Variants in FBN1 observed in about 807,000 individuals in gnomAD.
FBN1 encodes the protein fibrillin 1.
Under a neutral mutation model 365.1 loss-of-function variants are expected in FBN1, and 29 were observed. The observed-to-expected ratio is 0.08, with a 90% CI of 0.06 to 0.11. The LOEUF is 0.11. Ranked by LOEUF, FBN1 falls within the 10% of genes least tolerant of loss-of-function variation. FBN1 has a pLI of 1.00. For synonymous variants in FBN1, 1,210 were observed against 1,270.5 expected, an observed-to-expected ratio of 0.95 and a Z score of 1.01; for missense variants, 2,476 against 3,703.2, an observed-to-expected ratio of 0.67 and a Z score of 8.60.
At chr15:48,506,096 G>A (rs906083831) in intron 15 of FBN1, among the ~76,000 whole-genome samples, 2 of 152,100 alleles carry the variant, frequency 1.3e-5, no homozygotes, top group Admixed American at 1.3e-4. Flanking sequence ...GATGGCATGC[G>A]GCTATAATCC....
chr15:48,640,331 A>G (rs115732239), intron 2 of FBN1, among the ~76,000 whole-genome samples: 2,623 of 152,276 alleles, frequency 0.017, 76 homozygotes, highest in African/African-American at 0.061. Context: ...TTAAAAAAAA[A>G]TTGTGTCCCA....
chr15:48,415,870 G>T, intron 63 of FBN1, 103 bp from the exon 64 acceptor site: 3 of 935,674 alleles, frequency 3.2e-6, no homozygotes, highest in Admixed American at 1.9e-5. Context: ...CCTCAGCTAG[G>T]CTCTCAGGAA....
rs1439547805 is a variant in FBN1 at position 48,495,494 on chromosome 15, C to G, written c.2514G>C (p.Leu838Phe). 1 of 1,613,956 alleles carries G rather than the reference C, an allele frequency of 6.2e-7. No homozygotes were observed. The highest frequency in any genetic ancestry group is 8.5e-7 in the Non-Finnish European group (1 of 1,179,966). ...CTATGCAGATGGTTTTTGTTGGATC[C>G]AAAGTACTTTCAGAAGAACATTCAC... Reference protein sequence around the residue: ...FICECSSESTLDPTKTICIET... With the variant: ...FICECSSESTFDPTKTICIET... The change falls in exon 21 of 66, where the codon TTG (leucine) becomes TTC (phenylalanine). Residue 838 changes from leucine to phenylalanine, a missense_variant. Coordinates refer to ENST00000316623, the MANE Select transcript of FBN1 (RefSeq NM_000138.5).
At position 48,420,192 on chromosome 15, in the gene FBN1, A is replaced by G. The variant is rs115095121; in HGVS notation, c.7819+495T>C. ...TTATCAAAAGAATTTAGCAATCTTG[A>G]AAAACAAAACAAAACAAAACAAAAC... On this transcript the variant is annotated intron_variant, in intron 63 of 65. Coordinates refer to ENST00000316623, the MANE Select transcript of FBN1 (RefSeq NM_000138.5). 8.5e-3 allele frequency among the ~76,000 whole-genome samples: 664 copies of G among 77,840 alleles called. 5 individuals are homozygous for G. Among genetic ancestry groups the G allele is most frequent in the African/African-American group, 0.026 (632 of 24,624 alleles). The allele number at this position is 77,840 out of a possible 152,430, so 51.1% of individuals were successfully genotyped here.
At chr15:48,562,996 G>A (rs1262372335) in intron 6 of FBN1, among the ~76,000 whole-genome samples, 1 of 152,136 alleles carries the variant, frequency 6.6e-6, no homozygotes, top group Non-Finnish European at 1.5e-5. Flanking sequence ...TATATGCCCA[G>A]TACCTAGTAC....
chr15:48,534,230 G>GAAA, intron 7 of FBN1, 25 bp from the exon 8 acceptor site: 13 of 1,349,892 alleles, frequency 9.6e-6, no homozygotes, highest in Admixed American at 4.5e-5. Flanking sequence ...AAGACAGAGA[G>GAAA]AAAAAAAAAA....
In FBN1 at chr15:48,515,395, T is replaced by G. The variant is rs763431921; in HGVS notation, c.1460A>C (p.Glu487Ala). Residue 487 changes from glutamate to alanine, a missense_variant, in exon 12 of 66, where the codon GAG becomes GCG. Transcript: ENST00000316623. ...NKGFQLDLRG[E>A]CIDVDECEKN... Reference sequence around the variant, plus strand: ...TAGGATGGATCACGTACCAATACACTCCCCACGGAGGTCCAGCTGGAACCC... The same window carrying G: ...TAGGATGGATCACGTACCAATACACGCCCCACGGAGGTCCAGCTGGAACCC... The G allele has an allele frequency of 8.7e-6, 14 of 1,613,714 alleles. No individual in the cohort carries two copies. The highest frequency in any genetic ancestry group is 2.5e-6 in the Non-Finnish European group (3 of 1,179,862).
intron 10 of FBN1, among the ~76,000 whole-genome samples, chr15:48,517,098 G>A (rs879443325): frequency 3.3e-5 from 5 of 152,078 alleles, no homozygotes; most frequent in African/African-American, 4.8e-5. Flanking sequence ...TTGCCTGGAC[G>A]GGAAAAATCA....
intron 35 of FBN1, 109 bp downstream of exon 35, chr15:48,472,442 A>C: frequency 6.9e-7 from 1 of 1,455,012 alleles, no homozygotes; most frequent in Non-Finnish European, 9.5e-7. Flanking sequence ...AAATGAAGCT[A>C]AAACACACCT....
intron 6 of FBN1, among the ~76,000 whole-genome samples, chr15:48,545,030 C>T (rs1447719562): frequency 2.0e-5 from 3 of 152,136 alleles, no homozygotes; most frequent in South Asian, 2.1e-4. Context: ...TGAAATGCCA[C>T]GTTAAACCAA....
Position 48,520,793 on chromosome 15 carries a change from G to C in FBN1, c.1013C>G (p.Thr338Arg), listed in dbSNP as rs1477299651. The C allele has an allele frequency of 1.2e-6, 2 of 1,614,058 alleles. No individual in the cohort carries two copies. The highest frequency in any genetic ancestry group is 1.7e-6 in the Non-Finnish European group (2 of 1,180,038). Residue 338 changes from threonine to arginine, a missense_variant, in exon 10 of 66, where the codon ACA (threonine) becomes AGA (arginine). Thr to Arg is a moderately conservative substitution (Grantham distance 71). Coordinates refer to ENST00000316623, the MANE Select transcript of FBN1 (RefSeq NM_000138.5). ...CIDVRPGYCY[T>R]ALTNGRCSNQ... ...AGAGCAGCGCCCGTTTGTCAGAGCTGTGTAACAGTATCCTGGGCGAACATC... is the reference window on the plus strand; with the variant it reads ...AGAGCAGCGCCCGTTTGTCAGAGCTCTGTAACAGTATCCTGGGCGAACATC...
At chr15:48,460,219 A>G in intron 43 of FBN1, 27 bp downstream of exon 43, 1 of 1,592,378 alleles carries the variant, frequency 6.3e-7, no homozygotes, top group Non-Finnish European at 8.6e-7. Flanking sequence ...AAAACCAGAA[A>G]GTTCTGACAA....
chr15:48,577,539 T>A (rs567177750), intron 6 of FBN1, among the ~76,000 whole-genome samples: 1 of 152,200 alleles, frequency 6.6e-6, no homozygotes, highest in Non-Finnish European at 1.5e-5. Flanking sequence ...TCGCCCTTTT[T>A]TTCCTCTCAT....
chr15:48,496,074 A>C, intron 20 of FBN1, 26 bp downstream of exon 20: 2 of 1,613,514 alleles, frequency 1.2e-6, no homozygotes, highest in Non-Finnish European at 1.7e-6. Flanking sequence ...CAAAGTACAC[A>C]GTATAAGAAC....
At chr15:48,455,896 A>T (rs903247399) in intron 44 of FBN1, among the ~76,000 whole-genome samples, 1 of 152,202 alleles carries the variant, frequency 6.6e-6, no homozygotes, top group Non-Finnish European at 1.5e-5. Flanking sequence ...CTAAGGGGTA[A>T]TAACCCTTTC....
At chr15:48,511,328 T>C (rs2043757186) in intron 13 of FBN1, among the ~76,000 whole-genome samples, 1 of 152,130 alleles carries the variant, frequency 6.6e-6, no homozygotes, top group African/African-American at 2.4e-5. Flanking sequence ...CAACCTACGA[T>C]CTTTTTCTCT....
At position 48,428,389 on chromosome 15, in the gene FBN1, A is replaced by G; in HGVS notation, c.6954T>C (p.Cys2318=). The part of the protein sequence containing the change: ...LNTRGSYTCE[C]NDGFTASPNQ... ...TGGGGCTGGCGGTAAACCCATCATT[A>G]CACTCACAGGTGTAGCTCCCACGGG... The change falls in exon 57 of 66, where the codon TGT becomes TGC. Residue 2318 remains cysteine (C), a synonymous_variant. Coordinates refer to ENST00000316623, the MANE Select transcript of FBN1 (RefSeq NM_000138.5). 2 of 1,614,088 alleles carry G rather than the reference A, an allele frequency of 1.2e-6. No homozygotes were observed. The highest frequency in any genetic ancestry group is 2.2e-5 in the South Asian group (2 of 91,070).
chr15:48,592,977 C>T (rs2140706741), intron 6 of FBN1, among the ~76,000 whole-genome samples: 1 of 152,258 alleles, frequency 6.6e-6, no homozygotes, highest in Admixed American at 6.5e-5. Flanking sequence ...TCATTGCTAC[C>T]TGCCCACTGG....
chr15:48,567,024 CA>C (rs1476588942), intron 6 of FBN1, among the ~76,000 whole-genome samples: 4 of 152,144 alleles, frequency 2.6e-5, no homozygotes, highest in African/African-American at 9.7e-5. Flanking sequence ...CCCAACCTGC[CA>C]AATCGGAATC....
Sources: gnomAD v4.1 joint callset for allele counts (sites outside exome capture counted in the v4.1 genomes callset) on GRCh38, gnomAD v4.1.1 for gene constraint, MANE v1.5 for transcripts, NCBI Gene and HGNC (gene_info 2026-07-23, HGNC 2026-07-21) for gene names.